Variants in FTO observed in about 807,000 individuals in gnomAD.
FTO encodes FTO alpha-ketoglutarate dependent dioxygenase.
A neutral mutation model predicts 63.9 loss-of-function variants in FTO; 47 were observed. The observed-to-expected ratio is 0.74, with a 90% CI of 0.58 to 0.94. The LOEUF is 0.94. Ranked by LOEUF, FTO falls within the 40% of genes least tolerant of loss-of-function variation. FTO has a pLI of 0.00. For missense variants in FTO, 562 were observed against 618.1 expected (o/e 0.91, Z 0.96); for synonymous variants, 207 against 224.4 (o/e 0.92, Z 0.69).
intron 8 of FTO, among the ~76,000 whole-genome samples, chr16:54,042,241 T>G (rs2085098047): frequency 6.9e-6 from 1 of 144,348 alleles, no homozygotes; most frequent in African/African-American, 2.7e-5. Flanking sequence ...CGCAGGCCAG[T>G]GTGTGTGCGC....
At chr16:53,894,562 T>G (rs988486493) in intron 7 of FTO, among the ~76,000 whole-genome samples, 1 of 152,192 alleles carries the variant, frequency 6.6e-6, no homozygotes, top group African/African-American at 2.4e-5. Context: ...TTTGGGGATG[T>G]GCAGAAGAAA....
At position 53,837,802 on chromosome 16, in the gene FTO, C is replaced by T. The variant is rs958211454; in HGVS notation, c.752-6353C>T. ...CTAGAAAAAGTGTAGTAATTATGCACGAAGAAGCTGGTACCTTCTAGAGAG... is the reference window on the plus strand; with the variant it reads ...CTAGAAAAAGTGTAGTAATTATGCATGAAGAAGCTGGTACCTTCTAGAGAG... On this transcript the variant is annotated intron_variant, in intron 3 of 8. Transcript: ENST00000471389. Among the ~76,000 whole-genome samples the T allele has an allele frequency of 4.6e-5, 7 of 152,266 alleles. No homozygotes were observed. The East Asian group carries it at 7.7e-4, about 17-fold the overall frequency.
intron 7 of FTO, among the ~76,000 whole-genome samples, chr16:53,905,046 G>A (rs2081502520): frequency 1.3e-5 from 2 of 152,040 alleles, no homozygotes. Context: ...TCTCAGCAGG[G>A]GAGGAGAGCT....
chr16:54,012,917 G>A (rs1432717639), intron 8 of FTO, among the ~76,000 whole-genome samples: 1 of 152,126 alleles, frequency 6.6e-6, no homozygotes, highest in African/African-American at 2.4e-5. Context: ...AGATAAATGA[G>A]ATTAATGTTG....
At chr16:53,787,668 C>T (rs2077786572) in intron 1 of FTO, among the ~76,000 whole-genome samples, 1 of 152,190 alleles carries the variant, frequency 6.6e-6, no homozygotes, top group Admixed American at 6.5e-5. Flanking sequence ...GAAATCTCAT[C>T]TGTAAGTCTG....
intron 8 of FTO, among the ~76,000 whole-genome samples, chr16:54,012,699 G>A (rs1308919880): frequency 2.6e-5 from 4 of 152,068 alleles, no homozygotes; most frequent in Non-Finnish European, 5.9e-5. Context: ...AAATCCTAGG[G>A]CACTTAAGAA....
intron 1 of FTO, among the ~76,000 whole-genome samples, chr16:53,713,917 C>G (rs899746716): frequency 2.0e-5 from 3 of 152,144 alleles, no homozygotes; most frequent in African/African-American, 7.2e-5. Context: ...TTTCTACTCT[C>G]TGATTCTATG....
At chr16:54,000,233 T>C (rs7205987) in intron 8 of FTO, among the ~76,000 whole-genome samples, 37,824 of 152,048 alleles carry the variant, frequency 0.25, 5,509 homozygotes, top group African/African-American at 0.39. Context: ...TTTCAAGTTA[T>C]TGCATTGAGA....
intron 5 of FTO, among the ~76,000 whole-genome samples, chr16:53,875,615 A>G (rs2080626349): frequency 6.6e-6 from 1 of 152,222 alleles, no homozygotes; most frequent in African/African-American, 2.4e-5. Context: ...TCATTTGTAC[A>G]CTACAGTGTA....
At chr16:54,090,550 T>A (rs2086360300) in intron 8 of FTO, among the ~76,000 whole-genome samples, 2 of 152,198 alleles carry the variant, frequency 1.3e-5, no homozygotes, top group South Asian at 4.1e-4. Context: ...TTGTTATATA[T>A]ATTTTGTCAT....
At chr16:53,950,147 C>A (rs1599065371) in intron 8 of FTO, among the ~76,000 whole-genome samples, 3 of 34,152 alleles carry the variant, frequency 8.8e-5, no homozygotes, top group South Asian at 1.1e-3. Flanking sequence ...AAAAGATATT[C>A]ACATTTGTAA....
intron 3 of FTO, among the ~76,000 whole-genome samples, chr16:53,841,621 CA>C (rs1236852639): frequency 6.6e-6 from 1 of 152,192 alleles, no homozygotes; most frequent in Non-Finnish European, 1.5e-5. Flanking sequence ...TGAATAGTTA[CA>C]AAGGGGAGTT....
At chr16:53,938,628 G>T (rs1038498004) in intron 8 of FTO, among the ~76,000 whole-genome samples, 7 of 152,194 alleles carry the variant, frequency 4.6e-5, no homozygotes, top group Admixed American at 3.9e-4. Flanking sequence ...CAATTTCAGG[G>T]TTTATCTGGG....
intron 7 of FTO, among the ~76,000 whole-genome samples, chr16:53,889,193 A>G (rs2081085136): frequency 6.6e-6 from 1 of 152,224 alleles, no homozygotes; most frequent in African/African-American, 2.4e-5. Context: ...TGAAGTGGTG[A>G]TAAGAGGATA....
intron 8 of FTO, among the ~76,000 whole-genome samples, chr16:53,953,264 A>G (rs1181421528): frequency 2.0e-5 from 3 of 152,234 alleles, no homozygotes; most frequent in African/African-American, 7.2e-5. Context: ...CTCCTTCTCC[A>G]GTATAATCAA....
intron 8 of FTO, among the ~76,000 whole-genome samples, chr16:54,095,752 T>C (rs2086502368): frequency 1.3e-5 from 2 of 152,132 alleles, no homozygotes; most frequent in Admixed American, 1.3e-4. Flanking sequence ...GCCCCCCGCC[T>C]GGGACTCAGA....
chr16:53,764,730 AT>A (rs947774731), intron 1 of FTO, among the ~76,000 whole-genome samples: 6 of 151,346 alleles, frequency 4.0e-5, no homozygotes, highest in South Asian at 2.1e-4. Flanking sequence ...TTTTTTTTAA[AT>A]TTTTTTTTGA....
intron 4 of FTO, among the ~76,000 whole-genome samples, chr16:53,867,493 A>ATGTG (rs150516029): frequency 0.046 from 6,444 of 140,392 alleles, 305 homozygotes; most frequent in African/African-American, 0.13. Flanking sequence ...TACGCCACAT[A>ATGTG]TGTGTGTGTG....
chr16:54,010,008 G>A (rs189290182), intron 8 of FTO, among the ~76,000 whole-genome samples: 1 of 152,040 alleles, frequency 6.6e-6, no homozygotes, highest in Non-Finnish European at 1.5e-5. Flanking sequence ...AGTGACCTTT[G>A]TGCATACCCT....
Sources: gnomAD v4.1 joint callset for allele counts (sites outside exome capture counted in the v4.1 genomes callset) on GRCh38, gnomAD v4.1.1 for gene constraint, MANE v1.5 for transcripts, NCBI Gene and HGNC (gene_info 2026-07-23, HGNC 2026-07-21) for gene names.